The following AFF3 variants were observed in gnomAD, a reference collection of about 807,000 sequenced individuals.
AFF3 encodes the protein AF4/FMR2 family member 3.
Under a neutral mutation model 129.7 loss-of-function variants are expected in AFF3, and 32 were observed. The observed-to-expected ratio is 0.25, with a 90% CI of 0.19 to 0.33. The LOEUF is 0.33. Ranked by LOEUF, AFF3 falls within the 10% of genes least tolerant of loss-of-function variation. AFF3 has a pLI of 1.00. For missense variants in AFF3, 1,373 were observed against 1,592.0 expected (o/e 0.86, Z 2.34); for synonymous variants, 644 against 635.4 (o/e 1.01, Z -0.20).
chr2:99,971,982 T>C (rs1418880979), intron 7 of AFF3, among the ~76,000 whole-genome samples: 6 of 152,178 alleles, frequency 3.9e-5, no homozygotes. Flanking sequence ...GCTAAATCCA[T>C]TAACAGGTGA....
At chr2:100,093,979 A>G (rs1263929597) in intron 4 of AFF3, among the ~76,000 whole-genome samples, 1 of 152,132 alleles carries the variant, frequency 6.6e-6, no homozygotes, top group Non-Finnish European at 1.5e-5. Flanking sequence ...TGTGAGTTGG[A>G]GTAGTGTGGT....
At chr2:99,615,017 T>A (rs953934107) in intron 13 of AFF3, among the ~76,000 whole-genome samples, 2 of 152,248 alleles carry the variant, frequency 1.3e-5, no homozygotes, top group Non-Finnish European at 2.9e-5. Flanking sequence ...GAGTATAATG[T>A]AATAATATAT....
At chr2:99,947,438 C>T (rs1269348215) in intron 7 of AFF3, among the ~76,000 whole-genome samples, 1 of 149,546 alleles carries the variant, frequency 6.7e-6, no homozygotes, top group African/African-American at 2.5e-5. Flanking sequence ...GTGAGACCCC[C>T]TCCAAAGATA....
At chr2:99,736,511 T>C (rs1359954462) in intron 10 of AFF3, among the ~76,000 whole-genome samples, 1 of 152,228 alleles carries the variant, frequency 6.6e-6, no homozygotes, top group South Asian at 2.1e-4. Flanking sequence ...AAATGTGTCA[T>C]TGTAAATAGC....
chr2:99,707,670 T>C, intron 11 of AFF3: 1 of 984,718 alleles, frequency 1.0e-6, no homozygotes, highest in Non-Finnish European at 1.2e-6. Flanking sequence ...GGAAGAGCTT[T>C]GGTATTTAGA....
At chr2:99,974,842 C>T (rs1304585716) in intron 7 of AFF3, among the ~76,000 whole-genome samples, 1 of 152,196 alleles carries the variant, frequency 6.6e-6, no homozygotes, top group African/African-American at 2.4e-5. Context: ...ATGCACACTG[C>T]CTTCCCAAAT....
At chr2:99,661,914 G>C (rs1686260933) in intron 12 of AFF3, among the ~76,000 whole-genome samples, 1 of 152,122 alleles carries the variant, frequency 6.6e-6, no homozygotes, top group Admixed American at 6.5e-5. Context: ...CCAAGGCAGG[G>C]GGATCACCTG....
At chr2:99,600,572 C>A (rs1679732113) in intron 14 of AFF3, among the ~76,000 whole-genome samples, 1 of 152,106 alleles carries the variant, frequency 6.6e-6, no homozygotes, top group South Asian at 2.1e-4. Flanking sequence ...ATGGCCCCCC[C>A]AAATGGTACA....
chr2:100,014,622 CAGG>C (rs1682830391), intron 4 of AFF3, among the ~76,000 whole-genome samples: 1 of 151,994 alleles, frequency 6.6e-6, no homozygotes, highest in South Asian at 2.1e-4. Context: ...TTGTTTCCTG[CAGG>C]AGACCAGCTT....
chr2:100,069,980 G>T (rs1433190590), intron 4 of AFF3, among the ~76,000 whole-genome samples: 1 of 152,086 alleles, frequency 6.6e-6, no homozygotes, highest in Non-Finnish European at 1.5e-5. Flanking sequence ...AATCCTGCAA[G>T]GTATTGAAGT....
intron 7 of AFF3, among the ~76,000 whole-genome samples, chr2:99,841,903 T>G (rs1280338898): frequency 1.3e-5 from 2 of 152,184 alleles, no homozygotes; most frequent in Non-Finnish European, 2.9e-5. Context: ...GCTCACAGTA[T>G]GAAAATAAAA....
chr2:99,554,799 T>C, intron 22 of AFF3, 67 bp from the exon 23 acceptor site: 9 of 1,578,028 alleles, frequency 5.7e-6, no homozygotes, highest in Non-Finnish European at 7.8e-6. Context: ...GACATGAACG[T>C]GTTTTCAGGT....
chr2:99,891,331 T>C lies in AFF3; in HGVS notation c.874-53807A>G, dbSNP rs532474241. On this transcript the variant is annotated intron_variant, in intron 7 of 24. Transcript: ENST00000672756. The stretch of plus-strand genomic sequence containing the variant: ...CAGTTGTTTGTGGGTGAAAGGCGTG[T>C]TCCCAGCAGCAGGCCAGGCTTTTGC... Among the ~76,000 whole-genome samples, 14 of 152,200 alleles carry C rather than the reference T, an allele frequency of 9.2e-5. No individual in the cohort carries two copies. In the East Asian group the frequency reaches 2.5e-3, roughly 27 times the overall value.
At chr2:99,978,458 T>A (rs1679089388) in intron 7 of AFF3, among the ~76,000 whole-genome samples, 1 of 152,138 alleles carries the variant, frequency 6.6e-6, no homozygotes, top group Non-Finnish European at 1.5e-5. Flanking sequence ...AAAGTGGAAG[T>A]TATTAGCAAC....
intron 13 of AFF3, among the ~76,000 whole-genome samples, chr2:99,620,426 C>T (rs909285059): frequency 1.3e-5 from 2 of 152,100 alleles, no homozygotes; most frequent in Non-Finnish European, 2.9e-5. Flanking sequence ...GCCAGGAGTT[C>T]GAGACCAGAA....
chr2:99,965,287 G>GA (rs1677634306), intron 7 of AFF3, among the ~76,000 whole-genome samples: 1 of 152,264 alleles, frequency 6.6e-6, no homozygotes, highest in African/African-American at 2.4e-5. Flanking sequence ...AAGAAACAAA[G>GA]AAAGTGCACA....
intron 4 of AFF3, among the ~76,000 whole-genome samples, chr2:100,059,105 T>G (rs1305362702): frequency 6.6e-6 from 1 of 151,480 alleles, no homozygotes; most frequent in East Asian, 1.9e-4. Context: ...ATACAAAAAT[T>G]AGCCAGGCTT....
intron 11 of AFF3, among the ~76,000 whole-genome samples, chr2:99,718,731 G>C (rs1475600000): frequency 6.6e-6 from 1 of 151,718 alleles, no homozygotes; most frequent in Non-Finnish European, 1.5e-5. Context: ...TATTGAATAT[G>C]AATTTAGCAG....
chr2:99,671,780 A>T (rs1303830679), intron 12 of AFF3, among the ~76,000 whole-genome samples: 1 of 152,230 alleles, frequency 6.6e-6, no homozygotes, highest in African/African-American at 2.4e-5. Context: ...GAAAAAGAAA[A>T]CAGAAGTGTA....
Sources: gnomAD v4.1 joint callset for allele counts (sites outside exome capture counted in the v4.1 genomes callset) on GRCh38, gnomAD v4.1.1 for gene constraint, MANE v1.5 for transcripts, NCBI Gene and HGNC (gene_info 2026-07-23, HGNC 2026-07-21) for gene names.